The following FERMT2 variants were observed in gnomAD, a reference collection of about 807,000 sequenced individuals.
The protein encoded by FERMT2 is fermitin family homolog 2.
A neutral mutation model predicts 82.7 loss-of-function variants in FERMT2; 15 were observed. The observed-to-expected ratio is 0.18, with a 90% CI of 0.12 to 0.28. The LOEUF is 0.28. Among genes scored for constraint, FERMT2 ranks in the 10% least tolerant of loss-of-function variants. FERMT2 has a pLI of 1.00. For missense variants in FERMT2, 645 were observed against 809.4 expected, an observed-to-expected ratio of 0.80 and a Z score of 2.46; for synonymous variants, 274 against 271.5, an observed-to-expected ratio of 1.01 and a Z score of -0.09.
chr14:52,918,361 G>C (rs1888744770), intron 3 of FERMT2, among the ~76,000 whole-genome samples: 2 of 152,098 alleles, frequency 1.3e-5, no homozygotes, highest in African/African-American at 4.8e-5. Flanking sequence ...TTAGGGGAAG[G>C]GGGAGCTTAC....
intron 7 of FERMT2, among the ~76,000 whole-genome samples, chr14:52,876,954 G>A (rs975974348): frequency 3.3e-5 from 5 of 152,082 alleles, no homozygotes; most frequent in Admixed American, 3.3e-4. Context: ...GGTCTTGGAG[G>A]GCTATGGTTT....
chr14:52,874,343 G>T, intron 8 of FERMT2, 117 bp from the exon 9 acceptor site: 1 of 552,138 alleles, frequency 1.8e-6, no homozygotes, highest in Non-Finnish European at 3.0e-6. Context: ...AAAATACAAT[G>T]ATAAAGATTT....
intron 3 of FERMT2, among the ~76,000 whole-genome samples, chr14:52,894,271 A>AAC (rs559499149): frequency 5.7e-4 from 87 of 152,018 alleles, no homozygotes; most frequent in Admixed American, 3.0e-3. Flanking sequence ...GACCCAATTA[A>AAC]ACACACACAC....
intron 8 of FERMT2, among the ~76,000 whole-genome samples, chr14:52,874,832 C>T (rs2140098706): frequency 6.6e-6 from 1 of 152,216 alleles, no homozygotes; most frequent in East Asian, 1.9e-4. Flanking sequence ...GTGGCGGGAG[C>T]ACTGCTTAAG....
chr14:52,899,238 G>A (rs908367143), intron 3 of FERMT2, among the ~76,000 whole-genome samples: 3 of 151,934 alleles, frequency 2.0e-5, no homozygotes, highest in Non-Finnish European at 4.4e-5. Context: ...GGGCTCTAGC[G>A]GCTTGTTTTA....
intron 2 of FERMT2, among the ~76,000 whole-genome samples, chr14:52,943,692 C>T (rs1446666368): frequency 3.9e-5 from 6 of 151,990 alleles, no homozygotes; most frequent in African/African-American, 1.5e-4. Flanking sequence ...CTTCATCCAA[C>T]TGCTCCCCAA....
chr14:52,868,165 T>G (rs921234703), intron 10 of FERMT2, among the ~76,000 whole-genome samples: 1 of 152,080 alleles, frequency 6.6e-6, no homozygotes, highest in South Asian at 2.1e-4. Flanking sequence ...TAAGAAGTAT[T>G]CATCCTTCCC....
chr14:52,919,875 C>T (rs906431334), intron 2 of FERMT2, among the ~76,000 whole-genome samples: 3 of 151,850 alleles, frequency 2.0e-5, no homozygotes, highest in African/African-American at 7.3e-5. Context: ...GGGAAAACAC[C>T]CATGAGAAAC....
At chr14:52,874,391 ATTC>A (rs546878009) in intron 8 of FERMT2, among the ~76,000 whole-genome samples, 165 bp from the exon 9 acceptor site, 44 of 152,320 alleles carry the variant, frequency 2.9e-4, no homozygotes, top group African/African-American at 1.1e-3. Flanking sequence ...TGTGGACCAT[ATTC>A]TTCTTGGTAC....
At chr14:52,882,338 AAAGG>A (rs1269847013) in intron 4 of FERMT2, among the ~76,000 whole-genome samples, 1 of 152,214 alleles carries the variant, frequency 6.6e-6, no homozygotes, top group Admixed American at 6.5e-5. Flanking sequence ...TCAAATCTCA[AAAGG>A]AAGGGATATT....
rs143540107 is a variant in FERMT2, at chr14:52,893,382, T to A, written c.437A>T (p.Asp146Val). The A allele has an allele frequency of 7.4e-6, 12 of 1,611,940 alleles. No individual in the cohort carries two copies. The highest frequency in any genetic ancestry group is 1.7e-5 in the Admixed American group (1 of 59,674). ...CTTCTTCTTTTTTTTCTTTGTTGGATCTCTGGGTTTCTTTAAGAGAGAAAG... is the reference window on the plus strand; with the variant it reads ...CTTCTTCTTTTTTTTCTTTGTTGGAACTCTGGGTTTCTTTAAGAGAGAAAG... Reference protein sequence around the residue: ...EELSLLKKPRDPTKKKKKKLD... With the variant: ...EELSLLKKPRVPTKKKKKKLD... The change falls in exon 4 of 15, where the codon GAT (aspartate) becomes GTT (valine). Residue 146 changes from aspartate to valine, a missense_variant. By Grantham distance (152) the Asp-to-Val change is radical (BLOSUM62 -3). Coordinates refer to ENST00000341590, the MANE Select transcript of FERMT2 (RefSeq NM_006832.3).
chr14:52,878,340 T>C (rs976981244), intron 7 of FERMT2, among the ~76,000 whole-genome samples: 1 of 152,154 alleles, frequency 6.6e-6, no homozygotes, highest in Admixed American at 6.5e-5. Flanking sequence ...TCCTACAAAA[T>C]AGGATAATTT....
chr14:52,878,795 G>A lies in FERMT2; in HGVS notation c.856-106C>T, dbSNP rs1299490736. On this transcript the variant is annotated intron_variant, in intron 6 of 14. Coordinates refer to ENST00000341590, the MANE Select transcript of FERMT2 (RefSeq NM_006832.3). ...AGAAAAATTTAATGCTTTTTTTCCT[G>A]GGATCTTAATTTACAAGCAAGAATT... 8 of 554,784 alleles carry A rather than the reference G, an allele frequency of 1.4e-5. No individual in the cohort carries two copies. In the East Asian group the frequency reaches 2.3e-4, roughly 16 times the overall value. The allele number at this position is 554,784 out of a possible 1,614,324, so 34.4% of individuals were successfully genotyped here.
At position 52,858,354 on chromosome 14, in the gene FERMT2, G is replaced by A. The variant is rs147518258; in HGVS notation, c.*23C>T. ...AGTTAAATATTGTTATGGCCGTGGA[G>A]TTTCATTAAACAGTATTCCTATTCA... is the stretch of plus-strand genomic sequence containing the variant. On this transcript the variant is annotated 3_prime_UTR_variant, in exon 15 of 15. Coordinates refer to ENST00000341590, the MANE Select transcript of FERMT2 (RefSeq NM_006832.3). 9.9e-5 allele frequency: 158 copies of A among 1,592,286 alleles called. No individual in the cohort carries two copies. The African/African-American group carries it at 2.0e-3, about 20-fold the overall frequency.
chr14:52,940,989 T>C (rs894999242), intron 2 of FERMT2, among the ~76,000 whole-genome samples: 1 of 152,156 alleles, frequency 6.6e-6, no homozygotes. Flanking sequence ...CCTAGGTAGT[T>C]ACCCCAGAAA....
chr14:52,859,665 G>A lies in FERMT2; in HGVS notation c.1777C>T (p.Leu593=). The A allele has an allele frequency of 1.9e-6, 3 of 1,612,152 alleles. No individual in the cohort carries two copies. Among genetic ancestry groups the A allele is most frequent in the African/African-American group, 1.3e-5 (1 of 74,972 alleles). Residue 593 remains leucine (L), a synonymous_variant, in exon 14 of 15, where the codon CTG becomes TTG. Transcript: ENST00000341590. ...CCAGTGCTGGCATCCATCCGAATCA[G>A]TCTGTTGTATGCAATTCCAATAAGT... is the stretch of plus-strand genomic sequence containing the variant. The part of the protein sequence containing the change: ...EELIGIAYNR[L]IRMDASTGDA...
intron 3 of FERMT2, among the ~76,000 whole-genome samples, chr14:52,900,116 G>A (rs916455300): frequency 1.3e-5 from 2 of 151,778 alleles, no homozygotes; most frequent in South Asian, 4.2e-4. Flanking sequence ...TTGTTTGTTT[G>A]TTTGTTTTAA....
intron 3 of FERMT2, among the ~76,000 whole-genome samples, chr14:52,915,486 T>C (rs1034496206): frequency 6.6e-6 from 1 of 152,204 alleles, no homozygotes; most frequent in Non-Finnish European, 1.5e-5. Flanking sequence ...ACATGGAATT[T>C]TGGTTTATGA....
intron 3 of FERMT2, among the ~76,000 whole-genome samples, chr14:52,899,292 AT>A (rs35957407): frequency 6.7e-6 from 1 of 148,916 alleles, no homozygotes; most frequent in African/African-American, 2.5e-5. Context: ...TTATTTATTT[AT>A]TTTTTTTGAG....
Sources: gnomAD v4.1 joint callset for allele counts (sites outside exome capture counted in the v4.1 genomes callset) on GRCh38, gnomAD v4.1.1 for gene constraint, MANE v1.5 for transcripts, NCBI Gene and HGNC (gene_info 2026-07-23, HGNC 2026-07-21) for gene names.